PDE4D: variants seen among roughly 807,000 people sequenced by gnomAD.
PDE4D encodes the protein 3',5'-cyclic-AMP phosphodiesterase 4D.
In PDE4D, 24 loss-of-function variants were observed where a neutral mutation model predicts 87.4. The observed-to-expected ratio is 0.27, with a 90% CI of 0.20 to 0.39. The LOEUF is 0.39. Ranked by LOEUF, PDE4D falls within the 10% of genes least tolerant of loss-of-function variation. PDE4D has a pLI of 1.00. For missense variants in PDE4D, 714 were observed against 1,041.0 expected, an observed-to-expected ratio of 0.69 and a Z score of 4.32; for synonymous variants, 384 against 383.2, an observed-to-expected ratio of 1.00 and a Z score of -0.02.
chr5:59,260,937 C>CA (rs3061504), intron 1 of PDE4D, among the ~76,000 whole-genome samples: 30,264 of 138,306 alleles, frequency 0.22, 3,432 homozygotes, highest in Non-Finnish European at 0.27. Context: ...CAATATACAC[C>CA]AAAAAAAAAA....
chr5:60,020,056 T>G (rs183529184), intron 2 of PDE4D, among the ~76,000 whole-genome samples: 1 of 152,156 alleles, frequency 6.6e-6, no homozygotes, highest in South Asian at 2.1e-4. Flanking sequence ...GAGGCCATTG[T>G]AGGATTATTA....
chr5:59,289,386 C>T (rs780738147), intron 1 of PDE4D, among the ~76,000 whole-genome samples: 15 of 151,856 alleles, frequency 9.9e-5, no homozygotes, highest in Middle Eastern at 3.4e-3. Context: ...AATTAAAACA[C>T]GCCACCAGAG....
intron 1 of PDE4D, among the ~76,000 whole-genome samples, chr5:59,682,125 G>A (rs754378147): frequency 4.6e-5 from 7 of 152,040 alleles, no homozygotes; most frequent in Non-Finnish European, 8.8e-5. Context: ...AATGAAAACA[G>A]CAACCATCAT....
At chr5:59,229,906 C>T (rs1339667898) in intron 1 of PDE4D, among the ~76,000 whole-genome samples, 2 of 152,278 alleles carry the variant, frequency 1.3e-5, no homozygotes, top group East Asian at 3.9e-4. Context: ...TCAAGTGATT[C>T]TCCTGCCTCA....
At chr5:60,214,184 C>G (rs938779591) in intron 1 of PDE4D, among the ~76,000 whole-genome samples, 2 of 152,152 alleles carry the variant, frequency 1.3e-5, no homozygotes, top group African/African-American at 4.8e-5. Flanking sequence ...TATCACTTCT[C>G]ATGTAGCCTC....
At chr5:60,390,115 A>T (rs1195572618) in intron 1 of PDE4D, among the ~76,000 whole-genome samples, 1 of 152,118 alleles carries the variant, frequency 6.6e-6, no homozygotes, top group Non-Finnish European at 1.5e-5. Context: ...CCTTCTACCT[A>T]CATCTCTCTA....
intron 1 of PDE4D, among the ~76,000 whole-genome samples, chr5:59,668,843 G>GA (rs1285211001): frequency 6.3e-4 from 51 of 81,552 alleles, no homozygotes; most frequent in Non-Finnish European, 8.2e-4. Context: ...GGAAGAGGAA[G>GA]AGGAAGAAGA....
At chr5:59,319,685 T>G (rs1459123423) in intron 1 of PDE4D, among the ~76,000 whole-genome samples, 3 of 152,162 alleles carry the variant, frequency 2.0e-5, no homozygotes, top group African/African-American at 7.2e-5. Flanking sequence ...CTACTATGCA[T>G]GATATAGTTA....
intron 2 of PDE4D, among the ~76,000 whole-genome samples, chr5:60,011,085 C>A (rs967755171): frequency 9.9e-5 from 15 of 152,172 alleles, no homozygotes; most frequent in African/African-American, 3.6e-4. Context: ...CCTTACCAGT[C>A]CCTGCCAGCT....
chr5:59,707,743 T>A (rs746974867), intron 1 of PDE4D, among the ~76,000 whole-genome samples: 1 of 152,012 alleles, frequency 6.6e-6, no homozygotes, highest in Non-Finnish European at 1.5e-5. Flanking sequence ...TCAGCTCCCA[T>A]TTATAAGTGA....
chr5:60,020,247 A>G (rs1765911842), intron 2 of PDE4D, among the ~76,000 whole-genome samples: 1 of 152,206 alleles, frequency 6.6e-6, no homozygotes, highest in Non-Finnish European at 1.5e-5. Flanking sequence ...TTATGATAGT[A>G]ACAACAAAGA....
chr5:59,873,741 C>T (rs1030031859), intron 1 of PDE4D, among the ~76,000 whole-genome samples: 24 of 152,142 alleles, frequency 1.6e-4, no homozygotes, highest in Admixed American at 1.0e-3. Context: ...CAGGCCATGG[C>T]GTTTTACATT....
chr5:59,977,104 G>T (rs781293421), intron 3 of PDE4D, among the ~76,000 whole-genome samples: 4 of 152,178 alleles, frequency 2.6e-5, no homozygotes, highest in Non-Finnish European at 5.9e-5. Context: ...AGAGTTACAG[G>T]TCTCTCGCAT....
intron 1 of PDE4D, among the ~76,000 whole-genome samples, chr5:60,342,579 T>C (rs576820556): frequency 6.6e-6 from 1 of 152,226 alleles, no homozygotes; most frequent in East Asian, 1.9e-4. Flanking sequence ...TATTATTACT[T>C]AGTTGGGATC....
intron 1 of PDE4D, among the ~76,000 whole-genome samples, chr5:59,287,321 C>G (rs1767140169): frequency 6.6e-6 from 1 of 151,704 alleles, no homozygotes; most frequent in South Asian, 2.1e-4. Flanking sequence ...GGGAGAGACT[C>G]CTCTGCTTGT....
chr5:59,432,624 T>A (rs905618141), intron 1 of PDE4D, among the ~76,000 whole-genome samples: 5 of 152,222 alleles, frequency 3.3e-5, no homozygotes, highest in African/African-American at 1.2e-4. Context: ...CTTTATAGTA[T>A]GAAAATAAGG....
At chr5:59,495,330 C>T (rs904094206) in intron 1 of PDE4D, among the ~76,000 whole-genome samples, 5 of 152,186 alleles carry the variant, frequency 3.3e-5, no homozygotes, top group South Asian at 4.1e-4. Context: ...TCTACTTACT[C>T]CATTCTCTTT....
Position 59,809,132 on chromosome 5 carries a change from G to A in PDE4D, c.455+84036C>T, listed in dbSNP as rs939540448. Among the ~76,000 whole-genome samples, 22 of 152,304 alleles carry A rather than the reference G, an allele frequency of 1.4e-4. 1 individual carries two copies. The highest frequency in any genetic ancestry group is 4.6e-4 in the African/African-American group (19 of 41,564). Reference sequence around the variant, plus strand: ...ATTTAAGTACCGTGCCTTAGTTGGCGCCTCTAACATAGGGAGTTGGACATT... The same window carrying A: ...ATTTAAGTACCGTGCCTTAGTTGGCACCTCTAACATAGGGAGTTGGACATT... On this transcript the variant is annotated intron_variant, in intron 1 of 14. Transcript: ENST00000340635.
intron 1 of PDE4D, among the ~76,000 whole-genome samples, chr5:60,455,651 AT>A (rs908241909): frequency 2.0e-5 from 3 of 152,198 alleles, no homozygotes; most frequent in African/African-American, 4.8e-5. Flanking sequence ...TTACAAAAAA[AT>A]AAAAGATTTC....
Sources: allele counts gnomAD v4.1 joint callset (sites outside exome capture counted in the v4.1 genomes callset), GRCh38; gene constraint gnomAD v4.1.1; transcripts MANE v1.5; gene names NCBI Gene and HGNC (gene_info 2026-07-23, HGNC 2026-07-21).